Variants in AP3D1 observed in about 807,000 individuals in gnomAD.
AP3D1 encodes the protein adaptor related protein complex 3 subunit delta 1, also known as AP-3 complex subunit delta-1.
In AP3D1, 51 loss-of-function variants were observed where a neutral mutation model predicts 147.6. The ratio of observed to expected loss-of-function variants is 0.35; its 90% confidence interval spans 0.28 to 0.44. AP3D1 has a LOEUF of 0.44. Ranked by LOEUF, AP3D1 falls within the 20% of genes least tolerant of loss-of-function variation. The pLI, the probability that AP3D1 is intolerant of heterozygous loss-of-function variation, is 1.00. For missense variants in AP3D1, 1,421 were observed against 1,624.2 expected (o/e 0.87, Z 2.15); for synonymous variants, 760 against 663.0 (o/e 1.15, Z -2.25).
rs752716340 is a variant in AP3D1, at chr19:2,130,455, C to A, written c.545G>T (p.Arg182Leu). ...CTCCTTCAGCCGGGGAAAGGCAGGGCGCAGCGACTCGGGGTACTTCAGGAA... is the reference window on the plus strand; with the variant it reads ...CTCCTTCAGCCGGGGAAAGGCAGGGAGCAGCGACTCGGGGTACTTCAGGAA... ...KVFLKYPESL[R>L]PAFPRLKEKL... is the part of the protein sequence containing the mutation. The change falls in exon 6 of 32, where the codon CGC (arginine) becomes CTC (leucine). Residue 182 changes from arginine (R) to leucine (L), a missense_variant. By Grantham distance (102) the Arg-to-Leu change is moderately radical. Transcript: ENST00000643116. 5 of 1,613,946 alleles carry A rather than the reference C, an allele frequency of 3.1e-6. No individual in the cohort carries two copies. The African/African-American group carries it at 5.3e-5, about 17-fold the overall frequency.
intron 9 of AP3D1, among the ~76,000 whole-genome samples, chr19:2,126,319 C>A (rs1179607329): frequency 6.6e-6 from 1 of 150,480 alleles, no homozygotes; most frequent in Non-Finnish European, 1.5e-5. Context: ...GGCCCTTGTG[C>A]CCTGGCCCAG....
chr19:2,108,073 ATTTC>A (rs533105155), intron 31 of AP3D1, among the ~76,000 whole-genome samples: 59 of 152,306 alleles, frequency 3.9e-4, no homozygotes, highest in African/African-American at 1.4e-3. Context: ...CTGTATACAC[ATTTC>A]TTTCTAAGGA....
At chr19:2,126,490 C>T (rs1480300632) in intron 9 of AP3D1, among the ~76,000 whole-genome samples, 1 of 151,870 alleles carries the variant, frequency 6.6e-6, no homozygotes, top group African/African-American at 2.4e-5. Context: ...CCCGTGTCTA[C>T]TAAAAATACA....
rs1180585570 is a variant in AP3D1, at chr19:2,111,846, T to C, written c.2788-18A>G. The C allele has an allele frequency of 1.2e-6, 2 of 1,612,890 alleles. No individual in the cohort carries two copies. Among genetic ancestry groups the C allele is most frequent in the East Asian group, 2.2e-5 (1 of 44,822 alleles). On this transcript the variant is annotated intron_variant, in intron 24 of 31. Coordinates refer to ENST00000643116, the MANE Select transcript of AP3D1 (RefSeq NM_001261826.3). The stretch of plus-strand genomic sequence containing the variant: ...GGAGATTTCTGGAGCAAGAGGAGGG[T>C]CGGGTTCAGTGCCCAGGCTGCTCCA...
chr19:2,114,566 G>C (rs1309549363), intron 21 of AP3D1, among the ~76,000 whole-genome samples, 182 bp downstream of exon 21: 1 of 152,196 alleles, frequency 6.6e-6, no homozygotes, highest in African/African-American at 2.4e-5. Context: ...ACACTTAAGA[G>C]TCTTGGTTGG....
At position 2,111,724 on chromosome 19, in the gene AP3D1, C is replaced by G. The variant is rs367708267; in HGVS notation, c.2892G>C (p.Ala964=). 3.1e-6 allele frequency: 5 copies of G among 1,604,718 alleles called. No homozygotes were observed. The highest frequency in any genetic ancestry group is 2.6e-6 in the Non-Finnish European group (3 of 1,176,256). ...KKQPPGSEEA[A]GEPVQNGAPE... ...GCGCGCCATTCTGCACCGGCTCCCC[C>G]GCTGCCTCCTCGCTGCCTGGAGGCT... The change falls in exon 25 of 32, where the codon GCG becomes GCC. Residue 964 remains alanine, a synonymous_variant. Coordinates refer to ENST00000643116, the MANE Select transcript of AP3D1 (RefSeq NM_001261826.3).
chr19:2,153,386 G>GA (rs1555711131), upstream of AP3D1, among the ~76,000 whole-genome samples: 2 of 147,724 alleles, frequency 1.4e-5, no homozygotes, highest in Non-Finnish European at 3.0e-5. Flanking sequence ...AAAAGAAGTG[G>GA]GGGGGGGGAC....
Position 2,118,649 on chromosome 19 carries a change from G to A in AP3D1, c.1665C>T (p.Asp555=), listed in dbSNP as rs753326777. Residue 555 remains aspartate (D), a synonymous_variant, in exon 15 of 32, where the codon GAC becomes GAT. Transcript: ENST00000643116. ...GAQAVTQLMV[D]RLPQFVQSAD... ...CGCTCTGCACAAACTGGGGCAGCCGGTCCACCATGAGCTGGGTGACGGCCT... is the reference window on the plus strand; with the variant it reads ...CGCTCTGCACAAACTGGGGCAGCCGATCCACCATGAGCTGGGTGACGGCCT... 2 of 1,612,582 alleles carry A rather than the reference G, an allele frequency of 1.2e-6. No individual in the cohort carries two copies. Among genetic ancestry groups the A allele is most frequent in the East Asian group, 4.5e-5 (2 of 44,892 alleles).
At chr19:2,108,353 C>A (rs921150274) in intron 31 of AP3D1, among the ~76,000 whole-genome samples, 5 of 152,226 alleles carry the variant, frequency 3.3e-5, no homozygotes, top group African/African-American at 1.2e-4. Flanking sequence ...TCTAGAAGCG[C>A]AGCAGTGAGA....
chr19:2,144,697 G>A (rs760678962), intron 1 of AP3D1, among the ~76,000 whole-genome samples: 29 of 152,128 alleles, frequency 1.9e-4, no homozygotes, highest in Non-Finnish European at 4.0e-4. Context: ...GAGGTCAGGG[G>A]TTTGAGACCA....
Position 2,115,288 on chromosome 19 carries a change from C to T in AP3D1, c.2280G>A (p.Leu760=), listed in dbSNP as rs762137984. The change falls in exon 20 of 32, where the codon CTG becomes CTA. Residue 760 remains leucine, a synonymous_variant. Transcript: ENST00000643116. ...EKKGKRRHSS[L]PTESDEDIAP... is the part of the protein sequence containing the mutation. ...CGATGTCCTCGTCGCTCTCCGTGGG[C>T]AGCGAGCTGTGGCGGCGCTTGCCCT... is the stretch of plus-strand genomic sequence containing the variant. The T allele has an allele frequency of 2.5e-6, 4 of 1,613,376 alleles. No individual in the cohort carries two copies. The East Asian group carries it at 6.7e-5, about 27-fold the overall frequency.
chr19:2,126,785 G>A (rs1335496704), intron 9 of AP3D1, among the ~76,000 whole-genome samples: 1 of 152,190 alleles, frequency 6.6e-6, no homozygotes, highest in Admixed American at 6.5e-5. Context: ...AGTGTACTGT[G>A]AGAGCGGATG....
At position 2,113,357 on chromosome 19, in the gene AP3D1, G is replaced by A. The variant is rs2018342986; in HGVS notation, c.2658C>T (p.Ala886=). 8 of 1,435,922 alleles carry A rather than the reference G, an allele frequency of 5.6e-6. No individual in the cohort carries two copies. The highest frequency in any genetic ancestry group is 2.6e-5 in the Admixed American group (1 of 38,602). The allele number at this position is 1,435,922 out of a possible 1,614,324, so 88.9% of individuals were successfully genotyped here. ...STTPPPAPAP[A]PAPVPSTGEL... The stretch of plus-strand genomic sequence containing the variant: ...TTACCGTGGATGGAACGGGGGCGGG[G>A]GCGGGGGCGGGGGCAGGCGGTGGGG... The change falls in exon 23 of 32, where the codon GCC becomes GCT. Residue 886 remains alanine (A), a synonymous_variant. Coordinates refer to ENST00000643116, the MANE Select transcript of AP3D1 (RefSeq NM_001261826.3).
chr19:2,135,690 C>G (rs2019057660), intron 4 of AP3D1, among the ~76,000 whole-genome samples: 1 of 152,178 alleles, frequency 6.6e-6, no homozygotes, highest in Non-Finnish European at 1.5e-5. Flanking sequence ...CAGAGCCGCG[C>G]CCGACACACA....
At chr19:2,112,103 G>A in intron 24 of AP3D1, 1 of 516,524 alleles carries the variant, frequency 1.9e-6, no homozygotes, top group Non-Finnish European at 3.5e-6. Flanking sequence ...AAACCAGTGA[G>A]GACACCACAC....
chr19:2,132,079 G>T (rs2018965894), intron 5 of AP3D1, among the ~76,000 whole-genome samples: 2 of 152,154 alleles, frequency 1.3e-5, no homozygotes, highest in Admixed American at 1.3e-4. Flanking sequence ...TCACAGCCGG[G>T]GGCGTAGCCT....
At chr19:2,118,914 G>A (rs576428276) in intron 14 of AP3D1, 82 bp from the exon 15 acceptor site, 36 of 1,316,988 alleles carry the variant, frequency 2.7e-5, no homozygotes, top group Non-Finnish European at 3.4e-5. Flanking sequence ...GGAGGCCTGG[G>A]CTCGTCACCA....
At chr19:2,143,229 A>G (rs1481338622) in intron 1 of AP3D1, among the ~76,000 whole-genome samples, 2 of 117,346 alleles carry the variant, frequency 1.7e-5, no homozygotes, top group Non-Finnish European at 3.4e-5. Context: ...ATGCCTGCCT[A>G]ATTTTTTTTT....
At chr19:2,109,569 G>A (rs775485131) in intron 29 of AP3D1, 16 of 494,876 alleles carry the variant, frequency 3.2e-5, no homozygotes, top group Admixed American at 2.0e-4. Flanking sequence ...ACGCCAAGCC[G>A]TGCCGAGGAG....
Sources: allele counts gnomAD v4.1 joint callset (sites outside exome capture counted in the v4.1 genomes callset), GRCh38; gene constraint gnomAD v4.1.1; transcripts MANE v1.5; gene names NCBI Gene and HGNC (gene_info 2026-07-23, HGNC 2026-07-21).